FDFT1: variants seen among roughly 807,000 people sequenced by gnomAD.
The protein encoded by FDFT1 is squalene synthase.
FDFT1 carries 68 observed loss-of-function variants against 46.8 expected under a neutral mutation model. The ratio of observed to expected loss-of-function variants is 1.45; its 90% confidence interval spans 1.19 to 1.78. FDFT1 has a LOEUF of 1.78. Among genes scored for constraint, FDFT1 ranks in the 40% most tolerant of loss-of-function variants. The pLI, the probability that FDFT1 is intolerant of heterozygous loss-of-function variation, is 0.00. For synonymous variants in FDFT1, 351 were observed against 185.1 expected (o/e 1.90, Z -7.28); for missense variants, 928 against 524.4 (o/e 1.77, Z -7.52).
At chr8:11,822,326 C>T (rs115019606) in intron 4 of FDFT1, among the ~76,000 whole-genome samples, 1,533 of 147,238 alleles carry the variant, frequency 0.01, 29 homozygotes, top group African/African-American at 0.037. Flanking sequence ...TGATGTATTT[C>T]ATACCTTTAA....
At chr8:11,807,160 T>G (rs1806962357) in intron 1 of FDFT1, among the ~76,000 whole-genome samples, 2 of 152,156 alleles carry the variant, frequency 1.3e-5, no homozygotes, top group South Asian at 2.1e-4. Context: ...GATATTTGTT[T>G]TTTATTTTTT....
chr8:11,827,719 A>T (rs989930286), intron 5 of FDFT1, among the ~76,000 whole-genome samples: 1 of 152,172 alleles, frequency 6.6e-6, no homozygotes, highest in Non-Finnish European at 1.5e-5. Context: ...AAAGATGCTG[A>T]GTCTTACTCC....
At chr8:11,829,827 T>A (rs981469015) in intron 5 of FDFT1, among the ~76,000 whole-genome samples, 1 of 146,890 alleles carries the variant, frequency 6.8e-6, no homozygotes, top group Non-Finnish European at 1.5e-5. Context: ...TTACTGTATA[T>A]CATAGTGTTT....
chr8:11,812,251 C>G (rs1268330066), intron 3 of FDFT1, among the ~76,000 whole-genome samples: 1 of 152,216 alleles, frequency 6.6e-6, no homozygotes, highest in Non-Finnish European at 1.5e-5. Context: ...TGCCCCAAAT[C>G]CCTGAGCCCA....
At position 11,816,474 on chromosome 8, in the gene FDFT1, A is replaced by G. The variant is rs541812676; in HGVS notation, c.382-5276A>G. 2.6e-5 allele frequency among the ~76,000 whole-genome samples: 4 copies of G among 152,264 alleles called. No individual in the cohort carries two copies. In the South Asian group the frequency reaches 6.2e-4, roughly 24 times the overall value. On this transcript the variant is annotated intron_variant, in intron 3 of 7. Transcript: ENST00000220584. ...TACCTTGGGCAGTATAGCCATTTTCACGATACTGATTCTTCCTATCCATGA... is the reference window on the plus strand; with the variant it reads ...TACCTTGGGCAGTATAGCCATTTTCGCGATACTGATTCTTCCTATCCATGA...
At chr8:11,798,457 C>CTTT (rs143089803), upstream of FDFT1, among the ~76,000 whole-genome samples, 7,846 of 152,234 alleles carry the variant, frequency 0.052, 286 homozygotes, top group Middle Eastern at 0.078. Context: ...TGGCTTAAAC[C>CTTT]AAGATGGAGC....
chr8:11,803,337 G>A (rs1022427284), intron 1 of FDFT1: 7 of 1,292,300 alleles, frequency 5.4e-6, no homozygotes, highest in Non-Finnish European at 7.1e-6. Context: ...ATCACATGAA[G>A]GCCGTTTCTG....
intron 2 of FDFT1, 196 bp from the exon 3 acceptor site, chr8:11,809,471 C>T (rs1807396030): frequency 5.3e-6 from 7 of 1,312,516 alleles, no homozygotes; most frequent in Admixed American, 3.6e-5. Context: ...TAATAAACTA[C>T]AGAAGTTCAT....
intron 5 of FDFT1, among the ~76,000 whole-genome samples, chr8:11,828,760 G>T (rs1168916779): frequency 6.6e-6 from 1 of 152,234 alleles, no homozygotes. Flanking sequence ...GTTGAATCAT[G>T]CCAAATGTGG....
intron 5 of FDFT1, among the ~76,000 whole-genome samples, chr8:11,827,933 G>A (rs1810232730): frequency 6.6e-6 from 1 of 151,968 alleles, no homozygotes; most frequent in South Asian, 2.1e-4. Context: ...CGGGCACAGT[G>A]ACTCCTGCCT....
chr8:11,817,907 TC>T (rs1351727022), intron 3 of FDFT1, among the ~76,000 whole-genome samples: 1 of 152,168 alleles, frequency 6.6e-6, no homozygotes, highest in Non-Finnish European at 1.5e-5. Context: ...TACTAGCTTT[TC>T]AATTTGTTTG....
At chr8:11,834,881 T>A (rs1160038936) in intron 7 of FDFT1, among the ~76,000 whole-genome samples, 1 of 152,162 alleles carries the variant, frequency 6.6e-6, no homozygotes, top group African/African-American at 2.4e-5. Context: ...CCCAAAACTT[T>A]GGGAGGCTGA....
Position 11,824,585 on chromosome 8 carries a change from G to A in FDFT1, c.511-1439G>A, listed in dbSNP as rs888708663. Among the ~76,000 whole-genome samples the A allele has an allele frequency of 1.4e-4, 19 of 134,860 alleles. No individual in the cohort carries two copies. The South Asian group carries it at 2.6e-3, about 19-fold the overall frequency. 88.5% of individuals were successfully genotyped at this position (134,860 alleles called of 152,430 possible). On this transcript the variant is annotated intron_variant, in intron 4 of 7. Coordinates refer to ENST00000220584, the MANE Select transcript of FDFT1 (RefSeq NM_004462.5). ...TGGGACCACTGGCCTGTGTCACTGTGCCTGGCTAATTTTTTTTTTTTCTCA... is the reference window on the plus strand; with the variant it reads ...TGGGACCACTGGCCTGTGTCACTGTACCTGGCTAATTTTTTTTTTTTCTCA...
intron 5 of FDFT1, among the ~76,000 whole-genome samples, chr8:11,828,371 C>T (rs1022067769): frequency 4.6e-5 from 7 of 152,198 alleles, no homozygotes; most frequent in Non-Finnish European, 1.0e-4. Flanking sequence ...CTAGGTGACT[C>T]GTGTGCAGCC....
chr8:11,817,366 G>A (rs1203086248), intron 3 of FDFT1, among the ~76,000 whole-genome samples: 1 of 152,018 alleles, frequency 6.6e-6, no homozygotes, highest in Non-Finnish European at 1.5e-5. Flanking sequence ...TTTGGTATCA[G>A]GATGATGCTG....
upstream of FDFT1, among the ~76,000 whole-genome samples, chr8:11,801,487 T>C (rs1202596735): frequency 1.3e-5 from 2 of 152,016 alleles, no homozygotes; most frequent in African/African-American, 4.8e-5. Context: ...GCCTGGCTAA[T>C]TTTTGTATTT....
At chr8:11,821,674 T>C (rs1809266554) in intron 3 of FDFT1, 76 bp from the exon 4 acceptor site, 2 of 1,515,318 alleles carry the variant, frequency 1.3e-6, no homozygotes, top group Non-Finnish European at 1.8e-6. Context: ...AATTCCGCCA[T>C]TGTTTGCCTT....
chr8:11,808,877 G>C lies in FDFT1; in HGVS notation c.183G>C (p.Leu61=). 6.2e-7 allele frequency: 1 copy of C among 1,613,858 alleles called. No individual in the cohort carries two copies. Among genetic ancestry groups the C allele is most frequent in the East Asian group, 2.2e-5 (1 of 44,882 alleles). Residue 61 remains leucine, a synonymous_variant, in exon 2 of 8, where the codon CTG becomes CTC. Transcript: ENST00000220584. ...SRSFAAVIQA[L]DGEMRNAVCI... is the part of the protein sequence containing the mutation. Reference sequence around the variant, plus strand: ...GTTTCGCAGCTGTTATCCAGGCGCTGGATGGGGAAATGCGGTGAGTGATGG... The same window carrying C: ...GTTTCGCAGCTGTTATCCAGGCGCTCGATGGGGAAATGCGGTGAGTGATGG...
intron 7 of FDFT1, among the ~76,000 whole-genome samples, chr8:11,837,046 T>A (rs1811635432): frequency 6.6e-6 from 1 of 152,256 alleles, no homozygotes; most frequent in South Asian, 2.1e-4. Context: ...GGCTCCTGGC[T>A]GAACCTGGAG....
Sources: gnomAD v4.1 joint callset for allele counts (sites outside exome capture counted in the v4.1 genomes callset) on GRCh38, gnomAD v4.1.1 for gene constraint, MANE v1.5 for transcripts, NCBI Gene and HGNC (gene_info 2026-07-23, HGNC 2026-07-21) for gene names.